The following CCDC125 variants were observed in gnomAD, a reference collection of about 807,000 sequenced individuals.
The protein encoded by CCDC125 is coiled-coil domain containing 125, also known as coiled-coil domain-containing protein 125.
A neutral mutation model predicts 57.4 loss-of-function variants in CCDC125; 43 were observed. The ratio of observed to expected loss-of-function variants is 0.75; its 90% CI spans 0.59 to 0.97. The LOEUF is 0.97. Among genes scored for constraint, CCDC125 ranks in the 50% least tolerant of loss-of-function variants. CCDC125 has a pLI of 0.00. For missense variants in CCDC125, 563 were observed against 595.7 expected (o/e 0.95, Z 0.57); for synonymous variants, 187 against 195.2 (o/e 0.96, Z 0.35).
chr5:69,308,055 ATAAAT>A, intron 4 of CCDC125, 27 bp from the exon 5 acceptor site: 1 of 1,525,796 alleles, frequency 6.6e-7, no homozygotes, highest in Non-Finnish European at 9.1e-7. Context: ...TAGCATCAGT[ATAAAT>A]TAAATTTGTA....
intron 9 of CCDC125, 141 bp from the exon 10 acceptor site, chr5:69,292,503 C>T (rs530339525): frequency 2.8e-5 from 18 of 635,192 alleles, no homozygotes; most frequent in African/African-American, 1.3e-4. Flanking sequence ...TATCTGATTA[C>T]GCTAATTAAT....
chr5:69,279,443 A>G (rs1048488549), downstream of CCDC125, among the ~76,000 whole-genome samples: 24 of 152,006 alleles, frequency 1.6e-4, no homozygotes, highest in Non-Finnish European at 2.4e-4. Flanking sequence ...TGATCCGCCC[A>G]CCTTGGCCTC....
chr5:69,296,420 C>T (rs1438400181), intron 8 of CCDC125, among the ~76,000 whole-genome samples: 6 of 151,884 alleles, frequency 4.0e-5, no homozygotes, highest in Non-Finnish European at 8.8e-5. Context: ...GGTGTGGTGG[C>T]TCATGCCTGT....
rs1315042529 is a variant in CCDC125, at chr5:69,281,893, T to TG, written c.*835_*836insC. ...GGATGTTGGCAAACACTGTAATGTG[T>TG]TTTTTTTTTTTTTTGAGACAGAGTT... is the stretch of plus-strand genomic sequence containing the variant. On this transcript the variant is annotated 3_prime_UTR_variant, in exon 12 of 12. Coordinates refer to ENST00000396496, the MANE Select transcript of CCDC125 (RefSeq NM_176816.5). 3.5e-5 allele frequency: 4 copies of TG among 114,744 alleles called. No individual in the cohort carries two copies. The highest frequency in any genetic ancestry group is 3.7e-5 in the Non-Finnish European group (2 of 54,736). 7.1% of individuals were successfully genotyped at this position (114,744 alleles called of 1,614,324 possible).
Position 69,306,902 on chromosome 5 carries a change from C to T in CCDC125, c.532G>A (p.Glu178Lys). Residue 178 changes from glutamate to lysine, a missense_variant and splice_region_variant, in exon 6 of 12, where the codon GAA becomes AAA. Physicochemically the swap from Glu to Lys is moderately conservative, Grantham distance 56. Coordinates refer to ENST00000396496, the MANE Select transcript of CCDC125 (RefSeq NM_176816.5). ...ATTTCCCACTGCAAGGCATTTATTT[C>T]CTATGGAAAGAAAATAGTACCTTCA... ...TMEQNRSLEK[E>K]INALQWEIEF... 6.7e-7 allele frequency: 1 copy of T among 1,497,792 alleles called. No homozygotes were observed. Among genetic ancestry groups the T allele is most frequent in the African/African-American group, 1.4e-5 (1 of 69,752 alleles). The allele number at this position is 1,497,792 out of a possible 1,614,324, so 92.8% of individuals were successfully genotyped here. A position where few individuals can be genotyped will look rare whatever the true frequency, so the allele number is the denominator to read the frequency against.
rs766598968 is a variant in CCDC125, at chr5:69,282,446, G to C, written c.*283C>G. The C allele has an allele frequency of 3.8e-5, 10 of 259,768 alleles. No individual in the cohort carries two copies. Among genetic ancestry groups the C allele is most frequent in the African/African-American group, 1.8e-4 (8 of 44,738 alleles). The allele number at this position is 259,768 out of a possible 1,614,324, so 16.1% of individuals were successfully genotyped here. A position where few individuals can be genotyped will look rare whatever the true frequency, so the allele number is the denominator to read the frequency against. On this transcript the variant is annotated 3_prime_UTR_variant, in exon 12 of 12. Coordinates refer to ENST00000396496, the MANE Select transcript of CCDC125 (RefSeq NM_176816.5). ...GCGTGGTGGCACATGCCTGTAATCCGAGTTACTCGGGAGGCTGAGGCAGGA... is the reference window on the plus strand; with the variant it reads ...GCGTGGTGGCACATGCCTGTAATCCCAGTTACTCGGGAGGCTGAGGCAGGA...
At chr5:69,322,811 T>C (rs1486752020) in intron 1 of CCDC125, among the ~76,000 whole-genome samples, 3 of 150,772 alleles carry the variant, frequency 2.0e-5, no homozygotes, top group Non-Finnish European at 4.4e-5. Flanking sequence ...TACACCCGCC[T>C]TGGCCTCCCA....
In CCDC125 at chr5:69,313,384, C is replaced by T. The variant is rs558370697; in HGVS notation, c.366+601G>A. 847 of 1,505,262 alleles carry T rather than the reference C, an allele frequency of 5.6e-4. 5 individuals are homozygous for T. The highest frequency in any genetic ancestry group is 4.5e-3 in the African/African-American group (330 of 72,590). 93.2% of individuals were successfully genotyped at this position (1,505,262 alleles called of 1,614,324 possible). A position where few individuals can be genotyped will look rare whatever the true frequency, so the allele number is the denominator to read the frequency against. On this transcript the variant is annotated intron_variant, in intron 3 of 11. Coordinates refer to ENST00000396496, the MANE Select transcript of CCDC125 (RefSeq NM_176816.5). ...GCCAGAAGGGGCTCACAAAGGCTTG[C>T]CCTCCAGGGAGATGATGGCACTGCC...
intron 10 of CCDC125, among the ~76,000 whole-genome samples, chr5:69,288,849 A>T (rs1753943695): frequency 6.6e-6 from 1 of 152,210 alleles, no homozygotes; most frequent in South Asian, 2.1e-4. Flanking sequence ...TAGGATACCC[A>T]GCTGGTGTGT....
chr5:69,314,587 C>T lies in CCDC125; in HGVS notation c.305-541G>A, dbSNP rs143518574. ...TTTTTTGAATAGACTCTAAGGCTCG[C>T]TTGAGGCCAGGAGTTAGAAACAAGC... On this transcript the variant is annotated intron_variant, in intron 2 of 11. Transcript: ENST00000396496. 5.8e-3 allele frequency among the ~76,000 whole-genome samples: 885 copies of T among 152,176 alleles called. 4 individuals carry two copies. The highest frequency in any genetic ancestry group is 8.9e-3 in the Non-Finnish European group (605 of 67,986).
At chr5:69,315,437 C>CAAAA (rs35967140) in intron 2 of CCDC125, among the ~76,000 whole-genome samples, 7 of 20,006 alleles carry the variant, frequency 3.5e-4, no homozygotes, top group Admixed American at 7.5e-4. Context: ...GATTCTGTCT[C>CAAAA]AAAAAAAAAA....
chr5:69,323,641 G>C (rs1196942733), intron 1 of CCDC125, among the ~76,000 whole-genome samples: 1 of 152,094 alleles, frequency 6.6e-6, no homozygotes, highest in Admixed American at 6.6e-5. Flanking sequence ...CTTGCTTTTA[G>C]GGCAGAAAAA....
intron 9 of CCDC125, among the ~76,000 whole-genome samples, chr5:69,293,380 A>G (rs1464905424): frequency 1.3e-5 from 2 of 152,058 alleles, no homozygotes; most frequent in Non-Finnish European, 2.9e-5. Context: ...GGCTGGGCTC[A>G]GTGGCTCACG....
chr5:69,306,995 T>C (rs1757421520), intron 5 of CCDC125, 93 bp from the exon 6 acceptor site: 2 of 1,292,740 alleles, frequency 1.5e-6, no homozygotes, highest in African/African-American at 1.5e-5. Context: ...TATAATCAGT[T>C]CTCAGAAATG....
chr5:69,290,820 G>C (rs1754333733), intron 10 of CCDC125, among the ~76,000 whole-genome samples: 1 of 151,400 alleles, frequency 6.6e-6, no homozygotes, highest in Non-Finnish European at 1.5e-5. Context: ...AGTAGAGGCA[G>C]GGTTTCACCA....
downstream of CCDC125, among the ~76,000 whole-genome samples, chr5:69,275,442 A>G (rs1752018152): frequency 1.3e-5 from 2 of 152,154 alleles, no homozygotes; most frequent in African/African-American, 4.8e-5. Context: ...TGCATTTTGA[A>G]CTGTAGAGTT....
chr5:69,284,010 C>T (rs1268430010), intron 11 of CCDC125, among the ~76,000 whole-genome samples: 3 of 150,248 alleles, frequency 2.0e-5, no homozygotes, highest in East Asian at 2.0e-4. Flanking sequence ...AGGATGGTCT[C>T]GATCTCCTGA....
chr5:69,275,657 T>G (rs1463692914), downstream of CCDC125, among the ~76,000 whole-genome samples: 1 of 152,180 alleles, frequency 6.6e-6, no homozygotes, highest in East Asian at 1.9e-4. Flanking sequence ...ATTAAAAATT[T>G]TGTCAAATTA....
intron 1 of CCDC125, among the ~76,000 whole-genome samples, chr5:69,322,560 C>A (rs1477901831): frequency 2.0e-5 from 3 of 147,736 alleles, no homozygotes; most frequent in Non-Finnish European, 4.5e-5. Context: ...CCTGTCTCTA[C>A]AAAAAAAAAA....
Sources: allele counts gnomAD v4.1 joint callset (sites outside exome capture counted in the v4.1 genomes callset), GRCh38; gene constraint gnomAD v4.1.1; transcripts MANE v1.5; gene names NCBI Gene and HGNC (gene_info 2026-07-23, HGNC 2026-07-21).